The following NKAIN2 variants were observed in gnomAD, a reference collection of about 807,000 sequenced individuals.
NKAIN2 encodes sodium/potassium transporting ATPase interacting 2.
NKAIN2 carries 14 observed loss-of-function variants against 32.6 expected under a neutral mutation model. The observed-to-expected ratio is 0.43, with a 90% CI of 0.28 to 0.67. NKAIN2 has a LOEUF of 0.67. NKAIN2 is among the 30% of genes least tolerant of loss of function. The probability of loss-of-function intolerance (pLI) is 0.17; values close to 1 mark genes in which losing one functional copy is unlikely to be tolerated. For missense variants in NKAIN2, 198 were observed against 258.3 expected (o/e 0.77, Z 1.60); for synonymous variants, 80 against 87.2 (o/e 0.92, Z 0.46).
At chr6:124,314,532 G>C (rs1032793001) in intron 2 of NKAIN2, among the ~76,000 whole-genome samples, 3 of 152,156 alleles carry the variant, frequency 2.0e-5, no homozygotes, top group Admixed American at 2.0e-4. Context: ...CTGCAATGAT[G>C]TTGCAAATAA....
chr6:124,388,736 G>T (rs968641316), intron 3 of NKAIN2, among the ~76,000 whole-genome samples: 1 of 152,142 alleles, frequency 6.6e-6, no homozygotes, highest in East Asian at 1.9e-4. Flanking sequence ...TAATGCACAC[G>T]TTCTTAGCTG....
intron 1 of NKAIN2, among the ~76,000 whole-genome samples, chr6:124,143,605 A>G (rs190995549): frequency 2.6e-5 from 4 of 152,362 alleles, no homozygotes; most frequent in Admixed American, 2.6e-4. Flanking sequence ...CCTAATTGGA[A>G]TATGTCAAGA....
chr6:124,487,791 T>C (rs1203204543), intron 3 of NKAIN2, among the ~76,000 whole-genome samples: 1 of 152,098 alleles, frequency 6.6e-6, no homozygotes. Flanking sequence ...TCCAAGTGTA[T>C]TAAGTCCCAG....
rs535401911 is a variant in NKAIN2, at chr6:124,359,726, A to T, written c.273+4379A>T. 9.9e-5 allele frequency among the ~76,000 whole-genome samples: 15 copies of T among 152,254 alleles called. No homozygotes were observed. In the East Asian group the frequency reaches 2.3e-3, roughly 24 times the overall value. ...AATGATGTCATCTGCGAACAGGGACAATTTGACTTCCTCTTTTCCTAATTG... is the reference window on the plus strand; with the variant it reads ...AATGATGTCATCTGCGAACAGGGACTATTTGACTTCCTCTTTTCCTAATTG... On this transcript the variant is annotated intron_variant, in intron 3 of 6. Transcript: ENST00000368417.
intron 1 of NKAIN2, among the ~76,000 whole-genome samples, chr6:124,084,978 T>A (rs976060566): frequency 6.6e-6 from 1 of 152,030 alleles, no homozygotes; most frequent in Non-Finnish European, 1.5e-5. Flanking sequence ...GAGCTTAAAA[T>A]TTGTTAAAAG....
intron 1 of NKAIN2, among the ~76,000 whole-genome samples, chr6:124,114,802 T>C (rs1197464855): frequency 2.0e-5 from 3 of 152,182 alleles, no homozygotes; most frequent in Admixed American, 2.0e-4. Flanking sequence ...TTCTGCTACA[T>C]TCTTAGGGAA....
At chr6:124,449,127 A>G (rs1583270588) in intron 3 of NKAIN2, among the ~76,000 whole-genome samples, 1 of 152,176 alleles carries the variant, frequency 6.6e-6, no homozygotes, top group Admixed American at 6.6e-5. Flanking sequence ...TAAGATTCTC[A>G]TAGGAAGTCA....
intron 3 of NKAIN2, among the ~76,000 whole-genome samples, chr6:124,532,840 G>T (rs1779575033): frequency 6.6e-6 from 1 of 152,170 alleles, no homozygotes; most frequent in South Asian, 2.1e-4. Flanking sequence ...ATCCTCTGAT[G>T]CTGTGTTCCT....
At chr6:124,720,858 ATCTAGG>A (rs1363627692) in intron 4 of NKAIN2, among the ~76,000 whole-genome samples, 5 of 152,188 alleles carry the variant, frequency 3.3e-5, no homozygotes, top group Admixed American at 6.5e-5. Context: ...ACATAATTAA[ATCTAGG>A]TCCCAGTATT....
chr6:124,585,622 A>C, intron 3 of NKAIN2, among the ~76,000 whole-genome samples: 1 of 152,228 alleles, frequency 6.6e-6, no homozygotes, highest in East Asian at 1.9e-4. Context: ...ATAAATGAGC[A>C]AAACATCTGA....
At chr6:124,426,543 T>C (rs74452713) in intron 3 of NKAIN2, among the ~76,000 whole-genome samples, 1,927 of 152,246 alleles carry the variant, frequency 0.013, 39 homozygotes, top group African/African-American at 0.044. Flanking sequence ...CCAAAGAAGA[T>C]AGACAGATCG....
At chr6:124,239,108 CT>C (rs1272539180) in intron 1 of NKAIN2, among the ~76,000 whole-genome samples, 1 of 152,050 alleles carries the variant, frequency 6.6e-6, no homozygotes, top group Non-Finnish European at 1.5e-5. Flanking sequence ...AGTTGCAATC[CT>C]AGTCTCTGAT....
chr6:124,293,387 A>G (rs1242162527), intron 2 of NKAIN2, among the ~76,000 whole-genome samples: 3 of 152,010 alleles, frequency 2.0e-5, no homozygotes, highest in Non-Finnish European at 4.4e-5. Flanking sequence ...TTAAAAATGC[A>G]ATTAATTTAT....
chr6:124,662,738 A>G (rs1784793228), intron 4 of NKAIN2, among the ~76,000 whole-genome samples: 1 of 152,194 alleles, frequency 6.6e-6, no homozygotes, highest in Non-Finnish European at 1.5e-5. Context: ...GGAATGGCAC[A>G]TGGGTGTTTC....
intron 3 of NKAIN2, among the ~76,000 whole-genome samples, chr6:124,631,341 G>T (rs1783557099): frequency 6.6e-6 from 1 of 152,018 alleles, no homozygotes; most frequent in African/African-American, 2.4e-5. Flanking sequence ...AAATTATAGT[G>T]TATTTTTCTG....
At chr6:123,873,165 G>C (rs1435481173) in intron 1 of NKAIN2, among the ~76,000 whole-genome samples, 5 of 152,096 alleles carry the variant, frequency 3.3e-5, no homozygotes, top group African/African-American at 9.7e-5. Flanking sequence ...AAGTATTATA[G>C]AGTATGTTCA....
chr6:124,481,871 G>A (rs1777465321), intron 3 of NKAIN2, among the ~76,000 whole-genome samples: 1 of 151,986 alleles, frequency 6.6e-6, no homozygotes, highest in Non-Finnish European at 1.5e-5. Context: ...TGGCAGGCGA[G>A]GGGGAATAAA....
At chr6:124,412,606 G>T (rs1184492947) in intron 3 of NKAIN2, among the ~76,000 whole-genome samples, 2 of 152,186 alleles carry the variant, frequency 1.3e-5, no homozygotes, top group Non-Finnish European at 1.5e-5. Flanking sequence ...CTCCCAGTTA[G>T]GCTACTCAGG....
intron 3 of NKAIN2, among the ~76,000 whole-genome samples, chr6:124,407,979 C>A (rs1486389696): frequency 2.0e-5 from 3 of 151,980 alleles, no homozygotes; most frequent in Non-Finnish European, 2.9e-5. Flanking sequence ...TGTTTTTTGG[C>A]TGCATAAATG....
Sources: allele counts gnomAD v4.1 joint callset (sites outside exome capture counted in the v4.1 genomes callset), GRCh38; gene constraint gnomAD v4.1.1; transcripts MANE v1.5; gene names NCBI Gene and HGNC (gene_info 2026-07-23, HGNC 2026-07-21).